PTK2: variants seen among roughly 807,000 people sequenced by gnomAD.
PTK2 encodes protein tyrosine kinase 2.
Under a neutral mutation model 150.1 loss-of-function variants are expected in PTK2, and 45 were observed. The observed-to-expected ratio is 0.30, with a 90% CI of 0.24 to 0.38. PTK2 has a LOEUF of 0.38. Ranked by LOEUF, PTK2 falls within the 10% of genes least tolerant of loss-of-function variation. The pLI is 1.00. For missense variants in PTK2, 919 were observed against 1,307.3 expected (o/e 0.70, Z 4.58); for synonymous variants, 432 against 449.2 (o/e 0.96, Z 0.48).
rs140090424 is a variant in PTK2 at position 140,946,380 on chromosome 8, C to T, written c.-121-20631G>A. Among the ~76,000 whole-genome samples the T allele has an allele frequency of 2.0e-3, 298 of 152,148 alleles. 2 individuals are homozygous for T. Among genetic ancestry groups the T allele is most frequent in the African/African-American group, 6.9e-3 (287 of 41,514 alleles). On this transcript the variant is annotated intron_variant, in intron 1 of 31. Coordinates refer to ENST00000522684, the Ensembl canonical transcript of PTK2. ...CTAAACAAAAACTGTTCTAGAACTA[C>T]ACGAGGAAGATGGGGGAGAGGAAAG...
chr8:140,713,431 T>A (rs1378755981), intron 23 of PTK2, among the ~76,000 whole-genome samples: 1 of 152,178 alleles, frequency 6.6e-6, no homozygotes, highest in Non-Finnish European at 1.5e-5. Flanking sequence ...CTTAGCTAAT[T>A]TTTGTATTTT....
chr8:140,977,490 T>C (rs769248088), intron 1 of PTK2, among the ~76,000 whole-genome samples: 2 of 151,870 alleles, frequency 1.3e-5, no homozygotes, highest in African/African-American at 2.4e-5. Flanking sequence ...GGCATGGTGG[T>C]GCACACCTGT....
At chr8:140,945,808 A>C (rs534499123) in intron 1 of PTK2, among the ~76,000 whole-genome samples, 1 of 152,288 alleles carries the variant, frequency 6.6e-6, no homozygotes, top group African/African-American at 2.4e-5. Context: ...ATAAAAGATC[A>C]CTTCCATCTC....
At chr8:140,782,830 A>G (rs2100082615) in intron 14 of PTK2, among the ~76,000 whole-genome samples, 1 of 152,206 alleles carries the variant, frequency 6.6e-6, no homozygotes, top group South Asian at 2.1e-4. Flanking sequence ...GTTGGAACTG[A>G]GTCAGCACTA....
intron 2 of PTK2, among the ~76,000 whole-genome samples, chr8:140,914,246 G>C (rs2154608069): frequency 6.6e-6 from 1 of 152,060 alleles, no homozygotes; most frequent in East Asian, 1.9e-4. Flanking sequence ...AGGGATAACT[G>C]TTTTAAAGTT....
rs184998818 is a variant in PTK2 at position 140,736,544 on chromosome 8, T to A, written c.1826-1089A>T. On this transcript the variant is annotated intron_variant, in intron 21 of 31. Coordinates refer to ENST00000522684, the Ensembl canonical transcript of PTK2. ...CTAAAATTCAAAAAAAAAAAAAATT[T>A]AAAAATTCACCTTTAAAACAAACAA... Among the ~76,000 whole-genome samples the A allele has an allele frequency of 4.5e-3, 678 of 152,036 alleles. 4 individuals carry two copies. Among genetic ancestry groups the A allele is most frequent in the African/African-American group, 0.015 (642 of 41,492 alleles).
chr8:140,802,142 A>C (rs2154593784), intron 11 of PTK2, among the ~76,000 whole-genome samples: 1 of 152,204 alleles, frequency 6.6e-6, no homozygotes, highest in Admixed American at 6.5e-5. Context: ...AGTATTCCAG[A>C]AAGTGGCACT....
At chr8:140,931,001 G>T (rs2100171492) in intron 1 of PTK2, among the ~76,000 whole-genome samples, 1 of 147,666 alleles carries the variant, frequency 6.8e-6, no homozygotes, top group Admixed American at 6.8e-5. Flanking sequence ...AACCCAGAAG[G>T]CAAAGGTTGC....
intron 1 of PTK2, among the ~76,000 whole-genome samples, chr8:140,941,283 C>G (rs2154608848): frequency 1.3e-5 from 2 of 152,272 alleles, no homozygotes; most frequent in African/African-American, 4.8e-5. Flanking sequence ...CCCTCCTGTT[C>G]CCAAACACCA....
intron 20 of PTK2, among the ~76,000 whole-genome samples, chr8:140,740,092 T>C (rs2100054850): frequency 6.6e-6 from 1 of 152,186 alleles, no homozygotes; most frequent in Non-Finnish European, 1.5e-5. Context: ...TTTTCAGGCC[T>C]AAACGTTTTC....
At chr8:140,670,142 C>A (rs2094717758) in intron 29 of PTK2, 1 of 164,764 alleles carries the variant, frequency 6.1e-6, no homozygotes, top group South Asian at 1.8e-4. Context: ...GGAGAAACTG[C>A]AGCAGCCTCA....
At chr8:140,662,722 C>T (rs2082424762) in intron 31 of PTK2, 2 of 595,236 alleles carry the variant, frequency 3.4e-6, no homozygotes, top group Admixed American at 2.1e-5. Context: ...TGGAACATCC[C>T]CTGGACATCG....
chr8:140,918,396 C>G (rs111760082), intron 2 of PTK2, among the ~76,000 whole-genome samples: 7,787 of 152,210 alleles, frequency 0.051, 217 homozygotes, highest in Middle Eastern at 0.078. Context: ...ACTTCCCAAA[C>G]AGGGCTTTCT....
chr8:140,804,310 G>A (rs1488479845), intron 10 of PTK2, among the ~76,000 whole-genome samples: 1 of 151,232 alleles, frequency 6.6e-6, no homozygotes, highest in Non-Finnish European at 1.5e-5. Context: ...AGATAGAGTT[G>A]GGAGCAATGG....
At chr8:140,909,996 T>G (rs1000570755) in intron 2 of PTK2, among the ~76,000 whole-genome samples, 1 of 151,918 alleles carries the variant, frequency 6.6e-6, no homozygotes, top group Non-Finnish European at 1.5e-5. Context: ...CTTGTCCTAT[T>G]AAAAAAAATA....
chr8:140,866,658 T>C (rs1208234043), intron 4 of PTK2, among the ~76,000 whole-genome samples: 1 of 152,228 alleles, frequency 6.6e-6, no homozygotes, highest in African/African-American at 2.4e-5. Context: ...TAAGGTTTAT[T>C]GTTAGTGATA....
chr8:140,890,517 G>A (rs755024461), intron 3 of PTK2, 26 bp downstream of exon 3: 1 of 1,565,248 alleles, frequency 6.4e-7, no homozygotes, highest in Admixed American at 1.7e-5. Flanking sequence ...AAACATTAAA[G>A]ATGTCTCATG....
chr8:140,686,267 G>A (rs528518722), intron 27 of PTK2, among the ~76,000 whole-genome samples: 10 of 152,236 alleles, frequency 6.6e-5, no homozygotes, highest in Admixed American at 2.0e-4. Context: ...AGGGTGAGAG[G>A]AGGGTGAGGA....
At chr8:140,865,554 T>A (rs2100138809) in intron 4 of PTK2, among the ~76,000 whole-genome samples, 1 of 152,212 alleles carries the variant, frequency 6.6e-6, no homozygotes, top group Non-Finnish European at 1.5e-5. Context: ...ATGCAATCTT[T>A]TGAGGAAGCA....
Sources: gnomAD v4.1 joint callset for allele counts (sites outside exome capture counted in the v4.1 genomes callset) on GRCh38, gnomAD v4.1.1 for gene constraint, MANE v1.5 for transcripts, NCBI Gene and HGNC (gene_info 2026-07-23, HGNC 2026-07-21) for gene names.